The following PTGER1 variants were observed in gnomAD, a reference collection of about 807,000 sequenced individuals.
PTGER1 encodes the protein prostaglandin E2 receptor EP1 subtype.
A neutral mutation model predicts 18.5 loss-of-function variants in PTGER1; 15 were observed. The observed-to-expected ratio is 0.81, with a 90% CI of 0.54 to 1.25. The LOEUF (loss-of-function observed/expected upper bound fraction) is 1.25. PTGER1 is among the 50% of genes most tolerant of loss of function. The probability of loss-of-function intolerance (pLI) is 0.00; values close to 1 mark genes in which losing one functional copy is unlikely to be tolerated. For missense variants in PTGER1, 567 were observed against 603.4 expected, an observed-to-expected ratio of 0.94 and a Z score of 0.63; for synonymous variants, 339 against 308.4, an observed-to-expected ratio of 1.10 and a Z score of -1.04.
rs28364038 is a variant in PTGER1, at chr19:14,473,287, G to A, written c.942+92C>T. The A allele has an allele frequency of 0.011, 17,430 of 1,516,700 alleles. 128 individuals are homozygous for A. Among genetic ancestry groups the A allele is most frequent in the Non-Finnish European group, 0.014 (15,806 of 1,137,914 alleles). 94.0% of individuals were successfully genotyped at this position (1,516,700 alleles called of 1,614,324 possible). A position where few individuals can be genotyped will look rare whatever the true frequency, so the allele number is the denominator to read the frequency against. On this transcript the variant is annotated intron_variant, in intron 2 of 2. Transcript: ENST00000292513. This position sits in a 1 kb window ranked among gnomAD's most constrained non-coding sequence, Gnocchi z 7.1. ...CGGGGCCTTGGTTGAGTCCAGGATG[G>A]AGGCCCCAGGTGTCCTGGGACGACA... is the stretch of plus-strand genomic sequence containing the variant.
Position 14,474,333 on chromosome 19 carries a change from G to C in PTGER1, c.-13C>G, listed in dbSNP as rs1599340185. The C allele has an allele frequency of 6.6e-7, 1 of 1,517,138 alleles. No individual in the cohort carries two copies. Among genetic ancestry groups the C allele is most frequent in the Middle Eastern group, 2.1e-4 (1 of 4,658 alleles). 94.0% of individuals were successfully genotyped at this position (1,517,138 alleles called of 1,614,324 possible). A position where few individuals can be genotyped will look rare whatever the true frequency, so the allele number is the denominator to read the frequency against. ...CGCAAGGGCTCATGTCAGGCGCCAGGGGTGCTGGATAGAGGAGAGGAGGGC... is the reference window on the plus strand; with the variant it reads ...CGCAAGGGCTCATGTCAGGCGCCAGCGGTGCTGGATAGAGGAGAGGAGGGC... On this transcript the variant is annotated 5_prime_UTR_variant, in exon 2 of 3. Transcript: ENST00000292513. This position sits in a 1 kb window ranked among gnomAD's most constrained non-coding sequence, Gnocchi z 5.4.
In PTGER1 at chr19:14,473,287, G is replaced by T. The variant is rs28364038; in HGVS notation, c.942+92C>A. 13 of 1,516,606 alleles carry T rather than the reference G, an allele frequency of 8.6e-6. No individual in the cohort carries two copies. The highest frequency in any genetic ancestry group is 8.8e-7 in the Non-Finnish European group (1 of 1,137,944). The allele number at this position is 1,516,606 out of a possible 1,614,324, so 93.9% of individuals were successfully genotyped here. On this transcript the variant is annotated intron_variant, in intron 2 of 2. Coordinates refer to ENST00000292513, the MANE Select transcript of PTGER1 (RefSeq NM_000955.3). The surrounding 1 kb of genome is among the most constrained non-coding windows in gnomAD (Gnocchi z 7.1). ...CGGGGCCTTGGTTGAGTCCAGGATG[G>T]AGGCCCCAGGTGTCCTGGGACGACA...
Position 14,473,842 on chromosome 19 carries a change from G to T in PTGER1, c.479C>A (p.Ala160Glu). The change falls in exon 2 of 3, where the codon GCG (alanine) becomes GAG (glutamate). Residue 160 changes from alanine (A) to glutamate (E), a missense_variant. By Grantham distance (107) the Ala-to-Glu change is moderately radical (BLOSUM62 -1). Transcript: ENST00000292513. The surrounding 1 kb of genome is among the most constrained non-coding windows in gnomAD (Gnocchi z 7.1). ...SVARARLALA[A>E]VAAVALAVAL... ...CACGGCCAAGGCCACCGCGGCCACC[G>T]CGGCCAGCGCCAGGCGCGCGCGGGC... The T allele has an allele frequency of 8.0e-7, 1 of 1,247,302 alleles. No homozygotes were observed. The highest frequency in any genetic ancestry group is 1.0e-6 in the Non-Finnish European group (1 of 1,001,510). 77.3% of individuals were successfully genotyped at this position (1,247,302 alleles called of 1,614,324 possible). A position where few individuals can be genotyped will look rare whatever the true frequency, so the allele number is the denominator to read the frequency against.
rs1372518784 is a variant in PTGER1, at chr19:14,472,640, C to T, written c.1129G>A (p.Ala377Thr). The change falls in exon 3 of 3, where the codon GCG becomes ACG. Residue 377 changes from alanine to threonine, a missense_variant. By Grantham distance (58) the Ala-to-Thr change is moderately conservative. Coordinates refer to ENST00000292513, the MANE Select transcript of PTGER1 (RefSeq NM_000955.3). ...GCGCTCGGTGTTAGGCCCAGCCCCG[C>T]GGGGCCGCCCTTGGCTCCGGCCCTC... ...PPRAGAKGGP[A>T]GLGLTPSAWE... The T allele has an allele frequency of 2.4e-5, 39 of 1,606,826 alleles. No individual in the cohort carries two copies. The highest frequency in any genetic ancestry group is 3.0e-5 in the Non-Finnish European group (35 of 1,177,686).
intron 2 of PTGER1, 57 bp from the exon 3 acceptor site, chr19:14,472,883 G>C: frequency 6.7e-6 from 10 of 1,485,154 alleles, no homozygotes; most frequent in Non-Finnish European, 9.0e-6. Context: ...GGGGCGCAGG[G>C]ATGGTGGGGG....
Position 14,473,772 on chromosome 19 carries a change from G to A in PTGER1, c.549C>T (p.Tyr183=), listed in dbSNP as rs1257192160. The A allele has an allele frequency of 7.6e-6, 11 of 1,455,884 alleles. No individual in the cohort carries two copies. The highest frequency in any genetic ancestry group is 9.0e-6 in the Non-Finnish European group (10 of 1,108,874). The allele number at this position is 1,455,884 out of a possible 1,614,324, so 90.2% of individuals were successfully genotyped here. ...LARVGRYELQ[Y]PGTWCFIGLG... The stretch of plus-strand genomic sequence containing the variant: ...GGCCGATGAAGCACCACGTGCCCGG[G>A]TACTGCAGCTCATAGCGGCCCACGC... The change falls in exon 2 of 3, where the codon TAC becomes TAT. Residue 183 remains tyrosine (Y), a synonymous_variant. Coordinates refer to ENST00000292513, the MANE Select transcript of PTGER1 (RefSeq NM_000955.3). The surrounding 1 kb of genome is among the most constrained non-coding windows in gnomAD (Gnocchi z 7.1).
Position 14,474,165 on chromosome 19 carries a change from C to T in PTGER1, c.156G>A (p.Leu52=). The change falls in exon 2 of 3, where the codon CTG becomes CTA. Residue 52 remains leucine, a synonymous_variant. Coordinates refer to ENST00000292513, the MANE Select transcript of PTGER1 (RefSeq NM_000955.3). This position sits in a 1 kb window ranked among gnomAD's most constrained non-coding sequence, Gnocchi z 5.4. ...SMTLGAVSNL[L]ALALLAQAAG... ...CGGCCTGCGCCAGCAGCGCCAGCGC[C>T]AGCAGGTTGGACACGGCGCCCAGCG... 1 of 1,483,918 alleles carries T rather than the reference C, an allele frequency of 6.7e-7. No homozygotes were observed. Among genetic ancestry groups the T allele is most frequent in the Non-Finnish European group, 8.9e-7 (1 of 1,125,950 alleles). The allele number at this position is 1,483,918 out of a possible 1,614,324, so 91.9% of individuals were successfully genotyped here.
chr19:14,473,511 A>AGCGATGGACGAGGCGGACGAG lies in PTGER1; in HGVS notation c.789_809dup (p.Ser265_Ser271dup), dbSNP rs771931946. 1.9e-6 allele frequency: 3 copies of AGCGATGGACGAGGCGGACGAG among 1,575,326 alleles called. No individual in the cohort carries two copies. The highest frequency in any genetic ancestry group is 2.6e-6 in the Non-Finnish European group (3 of 1,164,880). ...AGCCGCCAAAGAAGGTGGAGGCCGA[A>AGCGATGGACGAGGCGGACGAG]GCGATGGACGAGGCGGACGAGGCGG... On this transcript the variant is annotated inframe_insertion, in exon 2 of 3. Transcript: ENST00000292513. This position sits in a 1 kb window ranked among gnomAD's most constrained non-coding sequence, Gnocchi z 7.1.
In PTGER1 at chr19:14,473,975, A is replaced by G. The variant is rs1229019837; in HGVS notation, c.346T>C (p.Cys116Arg). ...GGGCACAGGCCGAAGAAGACCATGC[A>G]GCCGCCCAGGAAGTGGCAGGCCCCG... ...AGGACHFLGG[C>R]MVFFGLCPLL... Residue 116 changes from cysteine (C) to arginine (R), a missense_variant, in exon 2 of 3, where the codon TGC becomes CGC. Cys to Arg is a radical substitution (Grantham distance 180, BLOSUM62 -3). Coordinates refer to ENST00000292513, the MANE Select transcript of PTGER1 (RefSeq NM_000955.3). The surrounding 1 kb of genome is among the most constrained non-coding windows in gnomAD (Gnocchi z 7.1). 6 of 1,497,594 alleles carry G rather than the reference A, an allele frequency of 4.0e-6. No homozygotes were observed. Among genetic ancestry groups the G allele is most frequent in the Non-Finnish European group, 5.3e-6 (6 of 1,128,064 alleles). 92.8% of individuals were successfully genotyped at this position (1,497,594 alleles called of 1,614,324 possible). A position where few individuals can be genotyped will look rare whatever the true frequency, so the allele number is the denominator to read the frequency against.
chr19:14,472,735 A>G lies in PTGER1; in HGVS notation c.1034T>C (p.Ile345Thr). 2 of 1,608,632 alleles carry G rather than the reference A, an allele frequency of 1.2e-6. No individual in the cohort carries two copies. The highest frequency in any genetic ancestry group is 1.7e-6 in the Non-Finnish European group (2 of 1,177,590). The change falls in exon 3 of 3, where the codon ATC becomes ACC. Residue 345 changes from isoleucine to threonine, a missense_variant. Coordinates refer to ENST00000292513, the MANE Select transcript of PTGER1 (RefSeq NM_000955.3). The stretch of plus-strand genomic sequence containing the variant: ...TAGGATGTACACCCAAGGGTCCAGG[A>G]TCTGGTTCCAGGAGGCAAGGCGCAC... ...LAVRLASWNQ[I>T]LDPWVYILLR...
In PTGER1 at chr19:14,473,355, T is replaced by C. The variant is rs1476881989; in HGVS notation, c.942+24A>G. The C allele has an allele frequency of 6.4e-7, 1 of 1,556,898 alleles. No homozygotes were observed. Among genetic ancestry groups the C allele is most frequent in the Admixed American group, 1.9e-5 (1 of 52,308 alleles). On this transcript the variant is annotated intron_variant, in intron 2 of 2. Transcript: ENST00000292513. This position sits in a 1 kb window ranked among gnomAD's most constrained non-coding sequence, Gnocchi z 7.1. Reference sequence around the variant, plus strand: ...GAGAGGGAGCGGGAAGGAGCGTGGCTCGAGGGGCCGGTGCGCCCCTCACCA... The same window carrying C: ...GAGAGGGAGCGGGAAGGAGCGTGGCCCGAGGGGCCGGTGCGCCCCTCACCA...
rs764215415 is a variant in PTGER1, at chr19:14,474,933, C to T, written c.-18+329G>A. ...CTCTGCCCCTGCCCCATGGACCTGC[C>T]TCTGCTCCACTGCGGTCTCTCGCCA... On this transcript the variant is annotated intron_variant, in intron 1 of 2. Coordinates refer to ENST00000292513, the MANE Select transcript of PTGER1 (RefSeq NM_000955.3). The surrounding 1 kb of genome is among the most constrained non-coding windows in gnomAD (Gnocchi z 5.4). Among the ~76,000 whole-genome samples, 3 of 152,200 alleles carry T rather than the reference C, an allele frequency of 2.0e-5. No homozygotes were observed. The highest frequency in any genetic ancestry group is 2.9e-5 in the Non-Finnish European group (2 of 68,024).
Position 14,474,150 on chromosome 19 carries a change from C to T in PTGER1, c.171G>A (p.Leu57=). 1 of 1,454,382 alleles carries T rather than the reference C, an allele frequency of 6.9e-7. No homozygotes were observed. Among genetic ancestry groups the T allele is most frequent in the South Asian group, 1.3e-5 (1 of 74,342 alleles). The allele number at this position is 1,454,382 out of a possible 1,614,324, so 90.1% of individuals were successfully genotyped here. A position where few individuals can be genotyped will look rare whatever the true frequency, so the allele number is the denominator to read the frequency against. The part of the protein sequence containing the change: ...AVSNLLALAL[L]AQAAGRLRRR... ...GTCGCAGGCGGCCCGCGGCCTGCGC[C>T]AGCAGCGCCAGCGCCAGCAGGTTGG... The change falls in exon 2 of 3, where the codon CTG becomes CTA. Residue 57 remains leucine (L), a synonymous_variant. Transcript: ENST00000292513. The surrounding 1 kb of genome is among the most constrained non-coding windows in gnomAD (Gnocchi z 5.4).
Position 14,473,330 on chromosome 19 carries a change from G to A in PTGER1, c.942+49C>T, listed in dbSNP as rs1370119693. Reference sequence around the variant, plus strand: ...GGACGACAAAGGGCGGGAGGGTGCCGAGAGGGAGCGGGAAGGAGCGTGGCT... The same window carrying A: ...GGACGACAAAGGGCGGGAGGGTGCCAAGAGGGAGCGGGAAGGAGCGTGGCT... On this transcript the variant is annotated intron_variant, in intron 2 of 2. Coordinates refer to ENST00000292513, the MANE Select transcript of PTGER1 (RefSeq NM_000955.3). This position sits in a 1 kb window ranked among gnomAD's most constrained non-coding sequence, Gnocchi z 7.1. 2 of 1,545,060 alleles carry A rather than the reference G, an allele frequency of 1.3e-6. No homozygotes were observed. Among genetic ancestry groups the A allele is most frequent in the Non-Finnish European group, 1.7e-6 (2 of 1,149,798 alleles).
In PTGER1 at chr19:14,472,838, G is replaced by A; in HGVS notation, c.943-12C>T. ...AGCGCCACCAACACCTGCGGGGGAA[G>A]CCGGTGTGAGCTATAGAGCAGGCGC... On this transcript the variant is annotated splice_polypyrimidine_tract_variant and intron_variant, in intron 2 of 2. Coordinates refer to ENST00000292513, the MANE Select transcript of PTGER1 (RefSeq NM_000955.3). 1.3e-6 allele frequency: 2 copies of A among 1,544,268 alleles called. No individual in the cohort carries two copies. The highest frequency in any genetic ancestry group is 1.8e-4 in the Middle Eastern group (1 of 5,652).
Position 14,472,707 on chromosome 19 carries a change from C to A in PTGER1, c.1062G>T (p.Leu354=). The A allele has an allele frequency of 6.2e-7, 1 of 1,611,848 alleles. No homozygotes were observed. Among genetic ancestry groups the A allele is most frequent in the Non-Finnish European group, 8.5e-7 (1 of 1,179,078 alleles). ...GCAGTTGGCGCAGCACGGCCTGGCG[C>A]AGTAGGATGTACACCCAAGGGTCCA... The part of the protein sequence containing the change: ...QILDPWVYIL[L]RQAVLRQLLR... Residue 354 remains leucine, a synonymous_variant, in exon 3 of 3, where the codon CTG becomes CTT. Transcript: ENST00000292513.
Position 14,473,627 on chromosome 19 carries a change from C to A in PTGER1, c.694G>T (p.Ala232Ser). 1.4e-6 allele frequency: 2 copies of A among 1,468,716 alleles called. No homozygotes were observed. The highest frequency in any genetic ancestry group is 8.9e-7 in the Non-Finnish European group (1 of 1,120,118). The allele number at this position is 1,468,716 out of a possible 1,614,324, so 91.0% of individuals were successfully genotyped here. ...NTLSGLALLR[A>S]RWRRRSRRPP... is the part of the protein sequence containing the mutation. Reference sequence around the variant, plus strand: ...CGTCGGGAGCGGCGTCGCCAGCGGGCGCGTAGCAGGGCCAGGCCGCTGAGC... The same window carrying A: ...CGTCGGGAGCGGCGTCGCCAGCGGGAGCGTAGCAGGGCCAGGCCGCTGAGC... The change falls in exon 2 of 3, where the codon GCC (alanine) becomes TCC (serine). Residue 232 changes from alanine (A) to serine (S), a missense_variant. Ala to Ser is a moderately conservative substitution (Grantham distance 99, BLOSUM62 1). Transcript: ENST00000292513. The surrounding 1 kb of genome is among the most constrained non-coding windows in gnomAD (Gnocchi z 7.1).
In PTGER1 at chr19:14,473,541, C is replaced by T. The variant is rs747431312; in HGVS notation, c.780G>A (p.Ser260=). 5.9e-5 allele frequency: 91 copies of T among 1,544,220 alleles called. No homozygotes were observed. The highest frequency in any genetic ancestry group is 7.6e-5 in the Non-Finnish European group (87 of 1,150,730). ...TGGACGAGGCGGACGAGGCGGAGGC[C>T]GAGCGGGGTCCGTGCGCCCCCCAGC... The part of the protein sequence containing the change: ...RRRWGAHGPR[S]ASASSASSIA... The change falls in exon 2 of 3, where the codon TCG becomes TCA. Residue 260 remains serine (S), a synonymous_variant. Coordinates refer to ENST00000292513, the MANE Select transcript of PTGER1 (RefSeq NM_000955.3). The surrounding 1 kb of genome is among the most constrained non-coding windows in gnomAD (Gnocchi z 7.1).
chr19:14,472,721 C>T lies in PTGER1; in HGVS notation c.1048G>A (p.Val350Met), dbSNP rs987075279. The change falls in exon 3 of 3, where the codon GTG becomes ATG. Residue 350 changes from valine to methionine, a missense_variant. Transcript: ENST00000292513. ...ACGGCCTGGCGCAGTAGGATGTACA[C>T]CCAAGGGTCCAGGATCTGGTTCCAG... ...ASWNQILDPW[V>M]YILLRQAVLR... 6 of 1,610,858 alleles carry T rather than the reference C, an allele frequency of 3.7e-6. No individual in the cohort carries two copies. Among genetic ancestry groups the T allele is most frequent in the African/African-American group, 2.7e-5 (2 of 74,862 alleles).
Sources: gnomAD v4.1 joint callset for allele counts (sites outside exome capture counted in the v4.1 genomes callset) on GRCh38, gnomAD v4.1.1 for gene constraint, Gnocchi (gnomAD v3.1) non-coding constraint, MANE v1.5 for transcripts, NCBI Gene and HGNC (gene_info 2026-07-23, HGNC 2026-07-21) for gene names.